Variants in YY1AP1 observed in about 807,000 individuals in gnomAD.
YY1AP1 encodes YY1 associated protein 1.
YY1AP1 carries 43 observed loss-of-function variants against 39.9 expected under a neutral mutation model. The ratio of observed to expected loss-of-function variants is 1.08; its 90% CI spans 0.84 to 1.39. The LOEUF (loss-of-function observed/expected upper bound fraction) is 1.39, where lower values mean the gene tolerates loss of function less well. YY1AP1 is among the 40% of genes most tolerant of loss of function. The pLI is 0.00. For missense variants in YY1AP1, 813 were observed against 900.7 expected (o/e 0.90, Z 1.25); for synonymous variants, 292 against 331.3 (o/e 0.88, Z 1.29).
intron 2 of YY1AP1, among the ~76,000 whole-genome samples, chr1:155,681,551 T>C (rs1415404002): frequency 3.9e-5 from 6 of 152,006 alleles, no homozygotes; most frequent in Non-Finnish European, 7.3e-5. Flanking sequence ...ACCGTCCCAC[T>C]GCATTCCAGC....
intron 2 of YY1AP1, among the ~76,000 whole-genome samples, chr1:155,681,971 C>T (rs911036116): frequency 6.6e-6 from 1 of 151,950 alleles, no homozygotes; most frequent in Admixed American, 6.6e-5. Context: ...AGACATGAGC[C>T]ACCCCACCTG....
intron 6 of YY1AP1, among the ~76,000 whole-genome samples, chr1:155,673,918 T>C (rs1242173499): frequency 4.6e-5 from 7 of 151,950 alleles, no homozygotes; most frequent in South Asian, 4.2e-4. Flanking sequence ...TCCCAGCACT[T>C]TGGGAGGCCG....
rs1309247964 is a variant in YY1AP1, at chr1:155,659,893, G to A, written c.2017C>T (p.Pro673Ser). ...ELSPLSATVF[P>S]KVEHSPGPPP... ...GGCCCTGGGCTATGTTCCACTTTGG[G>A]GAAAACAGTAGCAGAGAGAGGAGAT... Residue 673 changes from proline (P) to serine (S), a missense_variant, in exon 11 of 11, where the codon CCC becomes TCC. Pro to Ser is a moderately conservative substitution (Grantham distance 74). Around this residue, in one of 3 missense-constraint regions of YY1AP1, gnomAD observed 586 missense variants for 647.4 expected, o/e 0.91. Transcript: ENST00000355499. The A allele has an allele frequency of 1.9e-6, 3 of 1,614,224 alleles. No individual in the cohort carries two copies. The highest frequency in any genetic ancestry group is 1.7e-5 in the Admixed American group (1 of 60,022).
intron 4 of YY1AP1, among the ~76,000 whole-genome samples, chr1:155,677,611 G>A (rs1650902028): frequency 1.3e-5 from 2 of 152,112 alleles, no homozygotes; most frequent in South Asian, 2.1e-4. Flanking sequence ...AAATGGTAAC[G>A]TTTTTCAATA....
chr1:155,668,345 G>GT (rs1040798337), intron 9 of YY1AP1, among the ~76,000 whole-genome samples: 1 of 152,098 alleles, frequency 6.6e-6, no homozygotes, highest in Admixed American at 6.6e-5. Flanking sequence ...CCCAAAGCAT[G>GT]TAAGTGGAAT....
intron 9 of YY1AP1, among the ~76,000 whole-genome samples, chr1:155,664,536 A>G (rs955613922): frequency 6.6e-6 from 1 of 151,934 alleles, no homozygotes; most frequent in Non-Finnish European, 1.5e-5. Context: ...GGGGTTCGAG[A>G]TCACCTGGCC....
rs763967848 is a variant in YY1AP1, at chr1:155,676,679, G to C, written c.193C>G (p.Leu65Val). 1.2e-6 allele frequency: 2 copies of C among 1,614,104 alleles called. No individual in the cohort carries two copies. The highest frequency in any genetic ancestry group is 1.3e-5 in the African/African-American group (1 of 75,000). Residue 65 changes from leucine (L) to valine (V), a missense_variant, in exon 5 of 11, where the codon CTG becomes GTG. By Grantham distance (32) the Leu-to-Val change is conservative (BLOSUM62 1). Around this residue, in one of 3 missense-constraint regions of YY1AP1, gnomAD observed 196 missense variants for 189.7 expected, o/e 1.03. Transcript: ENST00000355499. ...HQIAKELFEQ[L>V]KMKKPSAKQQ... ...TTGGCTGAAGGTTTCTTCATCTTCA[G>C]CTGTTCAAATAGTTCCTTCGCTATC...
rs932244777 is a variant in YY1AP1 at position 155,660,794 on chromosome 1, T to C, written c.1116A>G (p.Ser372=). The C allele has an allele frequency of 5.6e-6, 9 of 1,614,094 alleles. No homozygotes were observed. In the African/African-American group the frequency reaches 6.7e-5, roughly 12 times the overall value. The change falls in exon 11 of 11, where the codon TCA becomes TCG. Residue 372 remains serine (S), a synonymous_variant. Coordinates refer to ENST00000355499, the MANE Select transcript of YY1AP1 (RefSeq NM_139119.3). ...GGTACCGAGTTTCACTCCCCAACTCTGAGTTGTCTTTTTCTAGGCCTTGAT... is the reference window on the plus strand; with the variant it reads ...GGTACCGAGTTTCACTCCCCAACTCCGAGTTGTCTTTTTCTAGGCCTTGAT... The part of the protein sequence containing the change: ...NSDQGLEKDN[S]ELGSETRYPL...
chr1:155,675,870 T>G (rs1650577209), intron 5 of YY1AP1, among the ~76,000 whole-genome samples: 1 of 152,184 alleles, frequency 6.6e-6, no homozygotes, highest in Non-Finnish European at 1.5e-5. Context: ...ACATGTTCCC[T>G]TGAACAAAAT....
intron 2 of YY1AP1, 79 bp downstream of exon 2, chr1:155,687,992 A>C (rs1284419190): frequency 4.9e-6 from 7 of 1,442,526 alleles, no homozygotes; most frequent in Middle Eastern, 1.8e-4. Context: ...GGGAGATGAC[A>C]GTGGCTCCCA....
intron 2 of YY1AP1, among the ~76,000 whole-genome samples, chr1:155,682,015 C>T (rs887828278): frequency 6.6e-6 from 1 of 152,040 alleles, no homozygotes; most frequent in African/African-American, 2.4e-5. Flanking sequence ...AGATATTACA[C>T]AACTCACTAA....
chr1:155,681,008 C>T (rs1300531916), intron 2 of YY1AP1, among the ~76,000 whole-genome samples: 2 of 150,980 alleles, frequency 1.3e-5, no homozygotes, highest in South Asian at 2.1e-4. Flanking sequence ...AGGAAGAAGA[C>T]AAGGAGAAAA....
intron 9 of YY1AP1, among the ~76,000 whole-genome samples, chr1:155,662,819 G>C (rs1159786134): frequency 6.6e-6 from 1 of 152,006 alleles, no homozygotes; most frequent in Non-Finnish European, 1.5e-5. Flanking sequence ...TGGCCAACAT[G>C]GCGAAACCCT....
chr1:155,680,980 T>C (rs371764133), intron 2 of YY1AP1, among the ~76,000 whole-genome samples: 2 of 152,268 alleles, frequency 1.3e-5, no homozygotes, highest in East Asian at 3.9e-4. Flanking sequence ...TCTAATCTCA[T>C]TGAACTTAAA....
intron 3 of YY1AP1, chr1:155,679,801 T>TG: frequency 4.8e-6 from 6 of 1,256,972 alleles, no homozygotes; most frequent in Non-Finnish European, 6.1e-6. Context: ...TTAGACAAAT[T>TG]TATGGAAAAG....
chr1:155,665,628 CAA>C (rs1327349977), intron 9 of YY1AP1, among the ~76,000 whole-genome samples: 5 of 149,850 alleles, frequency 3.3e-5, no homozygotes, highest in African/African-American at 1.2e-4. Context: ...AAACAAAAAA[CAA>C]GGCCAGGCGT....
chr1:155,660,935 T>C (rs1463500353), intron 10 of YY1AP1, 22 bp from the exon 11 acceptor site: 16 of 1,614,022 alleles, frequency 9.9e-6, no homozygotes, highest in Admixed American at 3.3e-5. Context: ...GAGAACACTC[T>C]GATCCAGCAC....
In YY1AP1 at chr1:155,668,503, G is replaced by A. The variant is rs750423415; in HGVS notation, c.879+124C>T. On this transcript the variant is annotated intron_variant, in intron 9 of 10. Coordinates refer to ENST00000355499, the MANE Select transcript of YY1AP1 (RefSeq NM_139119.3). ...AAAAGGCAACAGGGGAATTAATCTA[G>A]TATATAAGTAGGAGAAATTAGCTTT... 3.4e-6 allele frequency: 5 copies of A among 1,461,290 alleles called. No individual in the cohort carries two copies. The African/African-American group carries it at 7.0e-5, about 20-fold the overall frequency. 90.5% of individuals were successfully genotyped at this position (1,461,290 alleles called of 1,614,324 possible). A position where few individuals can be genotyped will look rare whatever the true frequency, so the allele number is the denominator to read the frequency against.
Position 155,675,102 on chromosome 1 carries a change from G to A in YY1AP1, c.325-6C>T, listed in dbSNP as rs1236922142. 1 of 1,612,666 alleles carries A rather than the reference G, an allele frequency of 6.2e-7. No individual in the cohort carries two copies. The highest frequency in any genetic ancestry group is 1.1e-5 in the South Asian group (1 of 91,056). On this transcript the variant is annotated splice_region_variant and splice_polypyrimidine_tract_variant and intron_variant, in intron 5 of 10. Coordinates refer to ENST00000355499, the MANE Select transcript of YY1AP1 (RefSeq NM_139119.3). ...TGTGTCAAGAGCTGAACATGCTGGG[G>A]AGAGAAAGAAAATAATGCAGTGATA... is the stretch of plus-strand genomic sequence containing the variant.
Sources: gnomAD v4.1 joint callset for allele counts (sites outside exome capture counted in the v4.1 genomes callset) on GRCh38, gnomAD v4.1.1 for gene constraint, gnomAD v4.1.1 regional missense constraint, MANE v1.5 for transcripts, NCBI Gene and HGNC (gene_info 2026-07-23, HGNC 2026-07-21) for gene names.